The following ST6GALNAC3 variants were observed in gnomAD, a reference collection of about 807,000 sequenced individuals.
ST6GALNAC3 encodes ST6 N-acetylgalactosaminide alpha-2,6-sialyltransferase 3, also known as alpha-N-acetylgalactosaminide alpha-2,6-sialyltransferase 3.
Under a neutral mutation model 32.7 loss-of-function variants are expected in ST6GALNAC3, and 25 were observed. The ratio of observed to expected loss-of-function variants is 0.76; its 90% CI spans 0.56 to 1.07. ST6GALNAC3 has a LOEUF of 1.07. Among genes scored for constraint, ST6GALNAC3 ranks in the 50% least tolerant of loss-of-function variants. The pLI, the probability that ST6GALNAC3 is intolerant of heterozygous loss-of-function variation, is 0.00. For missense variants in ST6GALNAC3, 355 were observed against 382.4 expected, an observed-to-expected ratio of 0.93 and a Z score of 0.60; for synonymous variants, 129 against 133.1, an observed-to-expected ratio of 0.97 and a Z score of 0.21.
intron 1 of ST6GALNAC3, among the ~76,000 whole-genome samples, chr1:76,141,211 C>T (rs971219978): frequency 6.6e-6 from 1 of 152,264 alleles, no homozygotes; most frequent in East Asian, 1.9e-4. Context: ...TGCTGAGTTG[C>T]AGCACCCTTC....
rs1646814148 is a variant in ST6GALNAC3 at position 76,313,789 on chromosome 1, T to G, written c.19-16T>G. The G allele has an allele frequency of 6.2e-7, 1 of 1,611,374 alleles. No individual in the cohort carries two copies. The highest frequency in any genetic ancestry group is 8.5e-7 in the Non-Finnish European group (1 of 1,178,786). ...AAGTCATTCGTTCTTCTTTTTGTTT[T>G]TTTAATGTTTTGTAGAGAAAGTCTG... On this transcript the variant is annotated splice_polypyrimidine_tract_variant and intron_variant, in intron 1 of 4. Transcript: ENST00000328299.
chr1:76,462,845 C>A (rs542505198), intron 3 of ST6GALNAC3, among the ~76,000 whole-genome samples: 1 of 152,138 alleles, frequency 6.6e-6, no homozygotes, highest in Non-Finnish European at 1.5e-5. Context: ...GAGTGTATTG[C>A]AACAACCACT....
chr1:76,577,005 TTC>T, intron 3 of ST6GALNAC3: 1 of 1,218,354 alleles, frequency 8.2e-7, no homozygotes, highest in East Asian at 5.7e-5. Flanking sequence ...ATGTCAGTGG[TTC>T]AAAGATTAAG....
At chr1:76,252,544 G>C (rs1333590830) in intron 1 of ST6GALNAC3, among the ~76,000 whole-genome samples, 1 of 151,894 alleles carries the variant, frequency 6.6e-6, no homozygotes, top group Non-Finnish European at 1.5e-5. Flanking sequence ...CTTGAGGATG[G>C]CCCCCCCTTT....
chr1:76,546,763 T>TAA (rs1319083696), intron 3 of ST6GALNAC3, among the ~76,000 whole-genome samples: 1 of 152,138 alleles, frequency 6.6e-6, no homozygotes, highest in Non-Finnish European at 1.5e-5. Context: ...GAAAGAGAAG[T>TAA]CCAGGTTGAG....
chr1:76,130,514 C>T lies in ST6GALNAC3; in HGVS notation c.18+55630C>T, dbSNP rs117985045. 1.3e-3 allele frequency among the ~76,000 whole-genome samples: 201 copies of T among 152,306 alleles called. 6 individuals carry two copies. The East Asian group carries it at 0.036, about 28-fold the overall frequency. ...TGGCCCAGGTGACTAGGGAAGGGAC[C>T]AGCACTGTGCTCCCTCTGGCAGGGT... On this transcript the variant is annotated intron_variant, in intron 1 of 4. Coordinates refer to ENST00000328299, the MANE Select transcript of ST6GALNAC3 (RefSeq NM_152996.4).
At chr1:76,098,986 A>G (rs1647177303) in intron 1 of ST6GALNAC3, among the ~76,000 whole-genome samples, 1 of 152,042 alleles carries the variant, frequency 6.6e-6, no homozygotes, top group African/African-American at 2.4e-5. Context: ...TTACCCCAAT[A>G]TGGTATCCAA....
intron 1 of ST6GALNAC3, among the ~76,000 whole-genome samples, chr1:76,112,293 G>C (rs1321445352): frequency 7.5e-6 from 1 of 134,180 alleles, no homozygotes; most frequent in Admixed American, 7.3e-5. Flanking sequence ...GGGCAGAGGG[G>C]CTCCTCACTT....
intron 3 of ST6GALNAC3, among the ~76,000 whole-genome samples, chr1:76,430,437 A>G (rs912915846): frequency 1.3e-5 from 2 of 152,058 alleles, no homozygotes; most frequent in Non-Finnish European, 2.9e-5. Flanking sequence ...CTCTGGCCCA[A>G]CCACATGGGT....
At chr1:76,623,306 G>T (rs1421043353) in intron 3 of ST6GALNAC3, among the ~76,000 whole-genome samples, 1 of 151,926 alleles carries the variant, frequency 6.6e-6, no homozygotes, top group Non-Finnish European at 1.5e-5. Flanking sequence ...AGGGTGCAGA[G>T]CCTGACCGGT....
intron 3 of ST6GALNAC3, among the ~76,000 whole-genome samples, chr1:76,594,327 A>G (rs1213730186): frequency 1.3e-5 from 2 of 152,210 alleles, no homozygotes; most frequent in East Asian, 3.8e-4. Context: ...ATGAATAAAC[A>G]GAAAAGAAGA....
chr1:76,185,040 C>A (rs150904124), intron 1 of ST6GALNAC3, among the ~76,000 whole-genome samples: 65 of 152,190 alleles, frequency 4.3e-4, no homozygotes, highest in African/African-American at 1.5e-3. Flanking sequence ...TTAATCCTCG[C>A]ACAACCCTGT....
In ST6GALNAC3 at chr1:76,549,750, A is replaced by T. The variant is rs78883904; in HGVS notation, c.624-77702A>T. On this transcript the variant is annotated intron_variant, in intron 3 of 4. Coordinates refer to ENST00000328299, the MANE Select transcript of ST6GALNAC3 (RefSeq NM_152996.4). ...GGGGGAAGGAGGTAGGATTGCTCTG[A>T]TTTTCTTTGATTCGGCCAAAGTGTT... 8.3e-3 allele frequency among the ~76,000 whole-genome samples: 1,258 copies of T among 152,144 alleles called. 21 individuals are homozygous for T. The highest frequency in any genetic ancestry group is 0.029 in the African/African-American group (1,213 of 41,484).
At chr1:76,146,056 C>T (rs1003393163) in intron 1 of ST6GALNAC3, among the ~76,000 whole-genome samples, 3 of 152,154 alleles carry the variant, frequency 2.0e-5, no homozygotes, top group Non-Finnish European at 2.9e-5. Context: ...TAAATACAGA[C>T]AATCTGCTAA....
chr1:76,161,173 T>A (rs1264477352), intron 1 of ST6GALNAC3, among the ~76,000 whole-genome samples: 1 of 152,218 alleles, frequency 6.6e-6, no homozygotes. Flanking sequence ...TGGGCCATTA[T>A]TCCTTCTCCA....
intron 2 of ST6GALNAC3, among the ~76,000 whole-genome samples, chr1:76,333,888 A>C (rs1163985983): frequency 1.3e-5 from 2 of 152,196 alleles, no homozygotes; most frequent in Non-Finnish European, 2.9e-5. Context: ...TATGGTAGGT[A>C]CTATTTTCCC....
chr1:76,517,811 G>T (rs1322580304), intron 3 of ST6GALNAC3, among the ~76,000 whole-genome samples: 10 of 151,886 alleles, frequency 6.6e-5, no homozygotes, highest in Non-Finnish European at 1.5e-4. Context: ...TTAAAATTGA[G>T]ATTTTAAATG....
intron 2 of ST6GALNAC3, among the ~76,000 whole-genome samples, chr1:76,364,023 C>A (rs557775566): frequency 6.6e-6 from 1 of 152,284 alleles, no homozygotes; most frequent in East Asian, 1.9e-4. Context: ...AGACCCAAAG[C>A]ACCTTAGCTT....
chr1:76,577,795 C>T (rs1444587555), intron 3 of ST6GALNAC3, among the ~76,000 whole-genome samples: 4 of 152,012 alleles, frequency 2.6e-5, no homozygotes, highest in East Asian at 1.9e-4. Flanking sequence ...CTTTATCATT[C>T]TTTATGTCCT....
Sources: gnomAD v4.1 joint callset for allele counts (sites outside exome capture counted in the v4.1 genomes callset) on GRCh38, gnomAD v4.1.1 for gene constraint, MANE v1.5 for transcripts, NCBI Gene and HGNC (gene_info 2026-07-23, HGNC 2026-07-21) for gene names.